CDH12: variants seen among roughly 807,000 people sequenced by gnomAD.
CDH12 encodes cadherin-12.
Under a neutral mutation model 74.1 loss-of-function variants are expected in CDH12, and 41 were observed. That is an observed-to-expected ratio of 0.55 (90% CI 0.43 to 0.72). The LOEUF (loss-of-function observed/expected upper bound fraction) is 0.72, where lower values mean the gene tolerates loss of function less well. Among genes scored for constraint, CDH12 ranks in the 30% least tolerant of loss-of-function variants. The pLI is 0.00. For missense variants in CDH12, 945 were observed against 977.2 expected (o/e 0.97, Z 0.44); for synonymous variants, 399 against 355.0 (o/e 1.12, Z -1.39).
At position 22,820,611 on chromosome 5, in the gene CDH12, C is replaced by T. The variant is rs1482539777; in HGVS notation, c.-523+32447G>A. ...TCAGAGAATACTACAAACACCTCTA[C>T]GCAAATAAACTAGAAAATCTAGAAG... On this transcript the variant is annotated intron_variant, in intron 1 of 14. Transcript: ENST00000382254. 1.3e-4 allele frequency among the ~76,000 whole-genome samples: 20 copies of T among 152,164 alleles called. No individual in the cohort carries two copies. The South Asian group carries it at 1.7e-3, about 13-fold the overall frequency.
intron 1 of CDH12, among the ~76,000 whole-genome samples, chr5:22,576,338 A>G (rs1465993912): frequency 6.6e-6 from 1 of 152,110 alleles, no homozygotes; most frequent in Non-Finnish European, 1.5e-5. Flanking sequence ...TACCCTGTCC[A>G]GAGAGGAAAA....
chr5:22,368,150 GTTA>G (rs1293222817), intron 3 of CDH12, among the ~76,000 whole-genome samples: 1 of 151,762 alleles, frequency 6.6e-6, no homozygotes, highest in South Asian at 2.1e-4. Context: ...TTAATCAGCA[GTTA>G]TTATTTAAAC....
chr5:21,958,606 CTG>C (rs1029399882), intron 6 of CDH12, among the ~76,000 whole-genome samples: 9 of 151,980 alleles, frequency 5.9e-5, no homozygotes, highest in African/African-American at 2.2e-4. Context: ...ATAATCATAG[CTG>C]TGTGGCTTTA....
chr5:22,123,896 AG>A (rs2150278608), intron 4 of CDH12, among the ~76,000 whole-genome samples: 1 of 152,212 alleles, frequency 6.6e-6, no homozygotes, highest in Non-Finnish European at 1.5e-5. Context: ...TTAAACAATA[AG>A]GTACATTATT....
chr5:22,264,917 T>C (rs998030642), intron 3 of CDH12, among the ~76,000 whole-genome samples: 1 of 152,194 alleles, frequency 6.6e-6, no homozygotes, highest in African/African-American at 2.4e-5. Flanking sequence ...AAATTGTTTA[T>C]GGCGAGACAT....
chr5:22,161,915 T>C (rs1262094256), intron 4 of CDH12, among the ~76,000 whole-genome samples: 2 of 151,840 alleles, frequency 1.3e-5, no homozygotes, highest in East Asian at 1.9e-4. Context: ...ATGTTTATTA[T>C]AGAATGGGGG....
At chr5:22,454,673 C>T (rs1745193727) in intron 2 of CDH12, among the ~76,000 whole-genome samples, 1 of 152,074 alleles carries the variant, frequency 6.6e-6, no homozygotes, top group South Asian at 2.1e-4. Flanking sequence ...CGGGGTTTCA[C>T]CATGTTGGCC....
chr5:22,627,350 T>C (rs1280850002), intron 1 of CDH12, among the ~76,000 whole-genome samples: 2 of 151,694 alleles, frequency 1.3e-5, no homozygotes, highest in South Asian at 2.1e-4. Flanking sequence ...CAAAGGGCAA[T>C]GTCACCTACA....
At position 22,671,775 on chromosome 5, in the gene CDH12, G is replaced by T. The variant is rs968814340; in HGVS notation, c.-522-166411C>A. Among the ~76,000 whole-genome samples, 44 of 151,706 alleles carry T rather than the reference G, an allele frequency of 2.9e-4. 1 individual carries two copies. Reference sequence around the variant, plus strand: ...AAGATAAGCCAACTGTGAACAAAGGGAACAGTGGAAAAGTGGCCAATAACA... The same window carrying T: ...AAGATAAGCCAACTGTGAACAAAGGTAACAGTGGAAAAGTGGCCAATAACA... On this transcript the variant is annotated intron_variant, in intron 1 of 14. Transcript: ENST00000382254.
chr5:22,429,194 C>T (rs902534212), intron 2 of CDH12, among the ~76,000 whole-genome samples: 5 of 151,690 alleles, frequency 3.3e-5, no homozygotes, highest in South Asian at 2.1e-4. Flanking sequence ...TACAGTGGTG[C>T]GATCATGACT....
intron 1 of CDH12, among the ~76,000 whole-genome samples, chr5:22,574,268 C>T (rs1314070111): frequency 2.6e-5 from 4 of 151,556 alleles, no homozygotes; most frequent in Admixed American, 6.6e-5. Flanking sequence ...CTAGTAGAGA[C>T]GGGGTTTCAC....
At chr5:22,812,563 A>G (rs16899798) in intron 1 of CDH12, among the ~76,000 whole-genome samples, 3,331 of 152,264 alleles carry the variant, frequency 0.022, 128 homozygotes, top group African/African-American at 0.077. Context: ...AGTATGTGAC[A>G]GTGTCTGAGT....
chr5:21,931,851 G>A (rs559039400), intron 6 of CDH12, among the ~76,000 whole-genome samples: 1 of 152,256 alleles, frequency 6.6e-6, no homozygotes, highest in Admixed American at 6.5e-5. Context: ...AACCTCATTA[G>A]TAAAGATTTC....
At chr5:22,298,889 T>A (rs1042437621) in intron 3 of CDH12, among the ~76,000 whole-genome samples, 1 of 152,234 alleles carries the variant, frequency 6.6e-6, no homozygotes. Flanking sequence ...TGACTCCATA[T>A]AATTTACTTT....
intron 1 of CDH12, among the ~76,000 whole-genome samples, chr5:22,740,168 A>C (rs761376879): frequency 3.3e-5 from 5 of 152,106 alleles, no homozygotes; most frequent in Non-Finnish European, 5.9e-5. Flanking sequence ...ATTGCAGTGT[A>C]GTCTTACGTA....
At chr5:22,669,292 A>T (rs1463462026) in intron 1 of CDH12, among the ~76,000 whole-genome samples, 2 of 152,210 alleles carry the variant, frequency 1.3e-5, no homozygotes, top group Non-Finnish European at 2.9e-5. Flanking sequence ...AAGCTGAAGG[A>T]AACACTAACA....
chr5:21,761,445 A>C (rs1744711825), intron 12 of CDH12, among the ~76,000 whole-genome samples: 1 of 152,142 alleles, frequency 6.6e-6, no homozygotes, highest in Admixed American at 6.6e-5. Flanking sequence ...ATGGCTGTGC[A>C]TCAGACAGAA....
chr5:21,843,717 T>A (rs1405767631), intron 7 of CDH12, among the ~76,000 whole-genome samples: 1 of 152,096 alleles, frequency 6.6e-6, no homozygotes, highest in Non-Finnish European at 1.5e-5. Context: ...GACACCTTTT[T>A]AATCCAATGT....
chr5:21,978,675 TATTC>T, intron 5 of CDH12, among the ~76,000 whole-genome samples: 1 of 152,310 alleles, frequency 6.6e-6, no homozygotes, highest in South Asian at 2.1e-4. Flanking sequence ...AATTTCTGCA[TATTC>T]ATTCAGTGAA....
Sources: gnomAD v4.1 joint callset for allele counts (sites outside exome capture counted in the v4.1 genomes callset) on GRCh38, gnomAD v4.1.1 for gene constraint, MANE v1.5 for transcripts, NCBI Gene and HGNC (gene_info 2026-07-23, HGNC 2026-07-21) for gene names.